The following RAP1A variants were observed in gnomAD, a reference collection of about 807,000 sequenced individuals.
RAP1A encodes the protein ras-related protein Rap-1A.
In RAP1A, 6 loss-of-function variants were observed where a neutral mutation model predicts 26.4. The ratio of observed to expected loss-of-function variants is 0.23; its 90% CI spans 0.12 to 0.45. The LOEUF is 0.45. RAP1A is among the 20% of genes least tolerant of loss of function. The probability of loss-of-function intolerance (pLI) is 0.99; values close to 1 mark genes in which losing one functional copy is unlikely to be tolerated. For missense variants in RAP1A, 121 were observed against 217.2 expected, an observed-to-expected ratio of 0.56 and a Z score of 2.78; for synonymous variants, 73 against 79.4, an observed-to-expected ratio of 0.92 and a Z score of 0.43.
intron 1 of RAP1A, among the ~76,000 whole-genome samples, chr1:111,614,058 A>T (rs1368507983): frequency 6.6e-6 from 1 of 152,224 alleles, no homozygotes; most frequent in Admixed American, 6.5e-5. Flanking sequence ...CAAATCAAGT[A>T]CCTGCTTTCA....
intron 6 of RAP1A, among the ~76,000 whole-genome samples, chr1:111,707,493 G>A (rs1662232054): frequency 6.6e-6 from 1 of 152,126 alleles, no homozygotes; most frequent in Non-Finnish European, 1.5e-5. Context: ...ATATTTTAGT[G>A]TATGTATCCT....
chr1:111,638,986 T>C (rs1659809766), intron 1 of RAP1A, among the ~76,000 whole-genome samples: 1 of 152,182 alleles, frequency 6.6e-6, no homozygotes, highest in South Asian at 2.1e-4. Context: ...AGTTGCATAG[T>C]GAACAAACAA....
At chr1:111,603,782 T>TA (rs1218096033) in intron 1 of RAP1A, among the ~76,000 whole-genome samples, 5 of 152,110 alleles carry the variant, frequency 3.3e-5, no homozygotes, top group South Asian at 4.1e-4. Context: ...ATCTAGCTTT[T>TA]AAAAAAACTT....
At chr1:111,560,205 C>A (rs1194369094) in intron 1 of RAP1A, among the ~76,000 whole-genome samples, 1 of 152,166 alleles carries the variant, frequency 6.6e-6, no homozygotes, top group Non-Finnish European at 1.5e-5. Context: ...AGACTCCCCA[C>A]CTACATACAA....
intron 1 of RAP1A, among the ~76,000 whole-genome samples, chr1:111,662,395 A>G (rs1429522301): frequency 8.7e-5 from 1 of 11,512 alleles, no homozygotes; most frequent in African/African-American, 3.5e-4. Context: ...ACTCCATCTC[A>G]AAAAAAAAAA....
At chr1:111,548,094 C>A (rs900224480) in intron 1 of RAP1A, among the ~76,000 whole-genome samples, 1 of 152,328 alleles carries the variant, frequency 6.6e-6, no homozygotes, top group East Asian at 1.9e-4. Context: ...AATCTCGGCT[C>A]ACTGCAACCT....
At chr1:111,661,539 G>T (rs1660636228) in intron 1 of RAP1A, among the ~76,000 whole-genome samples, 1 of 152,210 alleles carries the variant, frequency 6.6e-6, no homozygotes, top group South Asian at 2.1e-4. Flanking sequence ...AGTGGCTCAT[G>T]CCTGTAATCC....
chr1:111,649,451 C>T (rs1660189513), intron 1 of RAP1A: 1 of 348,846 alleles, frequency 2.9e-6, no homozygotes, highest in South Asian at 2.7e-5. Flanking sequence ...GCCCCCAGCA[C>T]CTGGATAGAC....
At chr1:111,650,857 G>A (rs1044332162) in intron 1 of RAP1A, among the ~76,000 whole-genome samples, 7 of 151,580 alleles carry the variant, frequency 4.6e-5, no homozygotes, top group African/African-American at 1.2e-4. Context: ...GTACAGTGGC[G>A]CGATCACTGC....
At chr1:111,648,788 C>T in intron 1 of RAP1A, 1 of 644,942 alleles carries the variant, frequency 1.6e-6, no homozygotes, top group Non-Finnish European at 2.9e-6. Flanking sequence ...TGTCTAGCTC[C>T]TGTCGATTCT....
At chr1:111,544,667 G>A (rs541062181) in intron 1 of RAP1A, among the ~76,000 whole-genome samples, 7 of 152,192 alleles carry the variant, frequency 4.6e-5, no homozygotes, top group African/African-American at 1.7e-4. Flanking sequence ...ATGAACATTG[G>A]TGTACAAGTT....
chr1:111,658,788 G>C (rs1230658961), intron 1 of RAP1A, among the ~76,000 whole-genome samples: 1 of 152,186 alleles, frequency 6.6e-6, no homozygotes, highest in Non-Finnish European at 1.5e-5. Flanking sequence ...CTTCAGCTAC[G>C]ACCTTACTGA....
intron 1 of RAP1A, among the ~76,000 whole-genome samples, chr1:111,657,535 TC>T (rs1294718719): frequency 6.6e-6 from 1 of 152,194 alleles, no homozygotes; most frequent in Non-Finnish European, 1.5e-5. Context: ...CATTGCCAAA[TC>T]CATTGTCATG....
chr1:111,603,447 G>T (rs1437697812), intron 1 of RAP1A, among the ~76,000 whole-genome samples: 2 of 152,156 alleles, frequency 1.3e-5, no homozygotes, highest in African/African-American at 4.8e-5. Context: ...AGTTTACTGG[G>T]GACTCTGAGA....
chr1:111,620,016 A>T (rs1659137105), intron 1 of RAP1A, 82 bp downstream of exon 1: 2 of 395,608 alleles, frequency 5.1e-6, no homozygotes, highest in African/African-American at 2.1e-5. Flanking sequence ...GAGGCGGCTC[A>T]TGTCGCCGGT....
intron 1 of RAP1A, among the ~76,000 whole-genome samples, chr1:111,573,734 T>A (rs1658094317): frequency 6.6e-6 from 1 of 152,222 alleles, no homozygotes; most frequent in African/African-American, 2.4e-5. Context: ...AGATTTTTTA[T>A]ATGCTTGTTG....
At chr1:111,712,406 T>C (rs1035830717) in intron 7 of RAP1A, 25 bp from the exon 8 acceptor site, 1 of 152,678 alleles carries the variant, frequency 6.5e-6, no homozygotes, top group Admixed American at 6.5e-5. Context: ...CATACATATA[T>C]GTATATCTGT....
At chr1:111,619,083 C>T (rs1163659875), upstream of RAP1A, among the ~76,000 whole-genome samples, 2 of 152,228 alleles carry the variant, frequency 1.3e-5, no homozygotes, top group Non-Finnish European at 2.9e-5. Flanking sequence ...TGGTACTGCT[C>T]TCGGGCTGGC....
chr1:111,589,520 C>T (rs17028058), intron 1 of RAP1A, among the ~76,000 whole-genome samples: 2,358 of 152,240 alleles, frequency 0.015, 63 homozygotes, highest in African/African-American at 0.053. Flanking sequence ...CTAAACACTC[C>T]CTGAAAATGC....
Sources: allele counts gnomAD v4.1 joint callset (sites outside exome capture counted in the v4.1 genomes callset), GRCh38; gene constraint gnomAD v4.1.1; transcripts MANE v1.5; gene names NCBI Gene and HGNC (gene_info 2026-07-23, HGNC 2026-07-21).